FAM47E: variants seen among roughly 807,000 people sequenced by gnomAD.
FAM47E encodes protein FAM47E.
FAM47E carries 32 observed loss-of-function variants against 41.6 expected under a neutral mutation model. The ratio of observed to expected loss-of-function variants is 0.77; its 90% CI spans 0.58 to 1.03. FAM47E has a LOEUF of 1.03. Among genes scored for constraint, FAM47E ranks in the 50% least tolerant of loss-of-function variants. The pLI is 0.00. For missense variants in FAM47E, 424 were observed against 485.4 expected, an observed-to-expected ratio of 0.87 and a Z score of 1.19; for synonymous variants, 184 against 188.7, an observed-to-expected ratio of 0.98 and a Z score of 0.20.
intron 2 of FAM47E, among the ~76,000 whole-genome samples, chr4:76,246,413 T>G (rs1237967688): frequency 6.6e-6 from 1 of 152,068 alleles, no homozygotes; most frequent in East Asian, 1.9e-4. Context: ...ATAAGGAATG[T>G]TTAGGGGAAA....
At chr4:76,229,143 T>C (rs1588214) in intron 2 of FAM47E, among the ~76,000 whole-genome samples, 22,793 of 152,184 alleles carry the variant, frequency 0.15, 2,037 homozygotes, top group East Asian at 0.35. Flanking sequence ...TTTTTCTAAG[T>C]GTGCACTTTA....
chr4:76,215,259 A>C (rs1047717133), intron 1 of FAM47E, among the ~76,000 whole-genome samples: 1 of 152,214 alleles, frequency 6.6e-6, no homozygotes, highest in Admixed American at 6.5e-5. Context: ...TATTATCCTC[A>C]TTTTACACTC....
chr4:76,219,333 A>G (rs986947732), intron 2 of FAM47E, among the ~76,000 whole-genome samples: 5 of 152,172 alleles, frequency 3.3e-5, no homozygotes, highest in East Asian at 3.8e-4. Flanking sequence ...ATACTTTGCA[A>G]TATATCTAAT....
chr4:76,235,701 G>A (rs1733575348), intron 2 of FAM47E, among the ~76,000 whole-genome samples: 1 of 152,226 alleles, frequency 6.6e-6, no homozygotes, highest in Non-Finnish European at 1.5e-5. Flanking sequence ...AAGACCATAT[G>A]CTGCTGTTTC....
upstream of FAM47E, among the ~76,000 whole-genome samples, chr4:76,248,193 T>C (rs1578767315): frequency 2.0e-5 from 3 of 152,094 alleles, no homozygotes. Flanking sequence ...GGATTACAGG[T>C]GTGAGCCACC....
chr4:76,275,872 G>T (rs1735075569), intron 5 of FAM47E, among the ~76,000 whole-genome samples: 2 of 152,090 alleles, frequency 1.3e-5, no homozygotes, highest in South Asian at 4.2e-4. Context: ...ACATCTGAGG[G>T]CAATTTGCCC....
chr4:76,226,641 C>T (rs918509296), intron 2 of FAM47E, among the ~76,000 whole-genome samples: 3 of 152,144 alleles, frequency 2.0e-5, no homozygotes. Context: ...GACTCTTCTA[C>T]GTTATGTCAG....
At chr4:76,230,791 C>G (rs1323536100) in intron 2 of FAM47E, among the ~76,000 whole-genome samples, 1 of 152,170 alleles carries the variant, frequency 6.6e-6, no homozygotes, top group East Asian at 1.9e-4. Context: ...GCCATTCTTA[C>G]CCACATATGC....
chr4:76,238,737 C>T (rs985293609), intron 2 of FAM47E, among the ~76,000 whole-genome samples: 13 of 152,080 alleles, frequency 8.5e-5, no homozygotes, highest in Non-Finnish European at 1.5e-4. Flanking sequence ...TGTTTATTTA[C>T]CACAATTTTT....
intron 2 of FAM47E, among the ~76,000 whole-genome samples, chr4:76,242,535 A>G (rs555037907): frequency 2.0e-5 from 3 of 152,108 alleles, no homozygotes; most frequent in Non-Finnish European, 4.4e-5. Context: ...GACCTAATAC[A>G]CCTAAGGAAT....
At chr4:76,229,671 A>G (rs1458663554) in intron 2 of FAM47E, among the ~76,000 whole-genome samples, 1 of 152,166 alleles carries the variant, frequency 6.6e-6, no homozygotes, top group Non-Finnish European at 1.5e-5. Flanking sequence ...GAAATACCTG[A>G]TTCCTGTGAT....
At chr4:76,265,754 T>C (rs551743362) in intron 3 of FAM47E, among the ~76,000 whole-genome samples, 16 of 152,266 alleles carry the variant, frequency 1.1e-4, no homozygotes, top group African/African-American at 3.9e-4. Context: ...CCACTCAGTG[T>C]GACCTCTCAG....
intron 5 of FAM47E, among the ~76,000 whole-genome samples, chr4:76,275,572 C>T (rs893717194): frequency 2.3e-4 from 35 of 152,098 alleles, no homozygotes; most frequent in Non-Finnish European, 8.8e-5. Flanking sequence ...AGATTACAGC[C>T]TAGTGGGGTC....
intron 2 of FAM47E, among the ~76,000 whole-genome samples, chr4:76,218,687 G>T (rs1733256434): frequency 6.6e-6 from 1 of 151,990 alleles, no homozygotes; most frequent in Non-Finnish European, 1.5e-5. Context: ...CAGACTTATT[G>T]AAACACGGAA....
intron 5 of FAM47E, among the ~76,000 whole-genome samples, chr4:76,274,440 A>T (rs923282822): frequency 6.6e-6 from 1 of 152,032 alleles, no homozygotes; most frequent in Non-Finnish European, 1.5e-5. Context: ...AATTAGCTGG[A>T]TGTGGTGGCA....
At chr4:76,264,083 C>G (rs1734530493) in intron 3 of FAM47E, among the ~76,000 whole-genome samples, 1 of 152,154 alleles carries the variant, frequency 6.6e-6, no homozygotes, top group Non-Finnish European at 1.5e-5. Flanking sequence ...CAGAGAGAGT[C>G]CCTCCCTATG....
At chr4:76,273,069 G>A (rs181483272) in intron 5 of FAM47E, among the ~76,000 whole-genome samples, 1 of 152,300 alleles carries the variant, frequency 6.6e-6, no homozygotes, top group African/African-American at 2.4e-5. Context: ...AGATCCTCCA[G>A]TGGATGCTGA....
chr4:76,259,044 G>A (rs1298494941), intron 2 of FAM47E, among the ~76,000 whole-genome samples: 1 of 151,892 alleles, frequency 6.6e-6, no homozygotes. Flanking sequence ...GAGTCTGAGT[G>A]GAGCAGGCCA....
At chr4:76,276,985 C>T (rs914701767) in intron 5 of FAM47E, among the ~76,000 whole-genome samples, 2 of 152,144 alleles carry the variant, frequency 1.3e-5, no homozygotes, top group Admixed American at 6.5e-5. Context: ...TGAGAGGAGA[C>T]AGAGACAGAA....
Sources: allele counts gnomAD v4.1 joint callset (sites outside exome capture counted in the v4.1 genomes callset), GRCh38; gene constraint gnomAD v4.1.1; transcripts MANE v1.5; gene names NCBI Gene and HGNC (gene_info 2026-07-23, HGNC 2026-07-21).